Variants in LCAT observed in about 807,000 individuals in gnomAD.
The protein encoded by LCAT is lecithin-cholesterol acyltransferase, also known as phosphatidylcholine-sterol acyltransferase.
A neutral mutation model predicts 41.0 loss-of-function variants in LCAT; 15 were observed. That is an observed-to-expected ratio of 0.37 (90% CI 0.24 to 0.56). The LOEUF is 0.56. Ranked by LOEUF, LCAT falls within the 20% of genes least tolerant of loss-of-function variation. LCAT has a pLI of 0.81. For missense variants in LCAT, 449 were observed against 595.1 expected, an observed-to-expected ratio of 0.75 and a Z score of 2.55; for synonymous variants, 248 against 245.4, an observed-to-expected ratio of 1.01 and a Z score of -0.10.
In LCAT at chr16:67,940,096, G is replaced by C; in HGVS notation, c.1131C>G (p.Thr377=). The change falls in exon 6 of 6, where the codon ACC becomes ACG. Residue 377 remains threonine (T), a synonymous_variant. Transcript: ENST00000264005. ...DGDDTVATRS[T]ELCGLWQGRQ... is the part of the protein sequence containing the mutation. ...GGCCCTGCCACAGGCCACAGAGCTCGGTGCTGCGGGTCGCCACCGTGTCAT... is the reference window on the plus strand; with the variant it reads ...GGCCCTGCCACAGGCCACAGAGCTCCGTGCTGCGGGTCGCCACCGTGTCAT... 1 of 1,613,160 alleles carries C rather than the reference G, an allele frequency of 6.2e-7. No homozygotes were observed. Among genetic ancestry groups the C allele is most frequent in the Non-Finnish European group, 8.5e-7 (1 of 1,179,998 alleles).
chr16:67,942,496 G>A lies in LCAT; in HGVS notation c.615C>T (p.Ser205=). The change falls in exon 5 of 6, where the codon AGC becomes AGT. Residue 205 remains serine (S), a synonymous_variant. Coordinates refer to ENST00000264005, the MANE Select transcript of LCAT (RefSeq NM_000229.2). This position sits in a 1 kb window ranked among gnomAD's most constrained non-coding sequence, Gnocchi z 6.6. ...YGKPVFLIGH[S]LGCLHLLYFL... is the part of the protein sequence containing the mutation. ...AATAGAGCAAGTGTAGACAGCCGAG[G>A]CTGTGGCCAATGAGGAAGACAGGCT... The A allele has an allele frequency of 1.2e-6, 2 of 1,613,844 alleles. No individual in the cohort carries two copies. The highest frequency in any genetic ancestry group is 1.7e-6 in the Non-Finnish European group (2 of 1,180,000).
rs913862732 is a variant in LCAT at position 67,943,387 on chromosome 16, T to G, written c.155-175A>C. On this transcript the variant is annotated intron_variant, in intron 1 of 5. Transcript: ENST00000264005. This position sits in a 1 kb window ranked among gnomAD's most constrained non-coding sequence, Gnocchi z 4.6. ...CCCCCTCTCCCTGCTGTCCCCCCAG[T>G]AGCCAAAGCCCAGGCTTCCCTGAGG... 25 of 590,544 alleles carry G rather than the reference T, an allele frequency of 4.2e-5. No individual in the cohort carries two copies. The highest frequency in any genetic ancestry group is 2.2e-4 in the Admixed American group (10 of 44,828). The allele number at this position is 590,544 out of a possible 1,614,324, so 36.6% of individuals were successfully genotyped here. A position where few individuals can be genotyped will look rare whatever the true frequency, so the allele number is the denominator to read the frequency against.
At chr16:67,941,808 A>G in intron 5 of LCAT, 2 of 1,027,796 alleles carry the variant, frequency 1.9e-6, no homozygotes, top group Non-Finnish European at 2.3e-6. Flanking sequence ...GGGAAACAAG[A>G]TGGTGTCTGT....
In LCAT at chr16:67,944,044, G is replaced by A; in HGVS notation, c.58C>T (p.Pro20Ser). 6.5e-7 allele frequency: 1 copy of A among 1,547,702 alleles called. No individual in the cohort carries two copies. The highest frequency in any genetic ancestry group is 8.7e-7 in the Non-Finnish European group (1 of 1,145,884). ...AGGAGCCAGAAGGGGGCGGCAGGAG[G>A]GAGCAGCAGCCCCAGCAGCAGCGTC... ...WVTLLLGLLL[P>S]PAAPFWLLNV... Residue 20 changes from proline (P) to serine (S), a missense_variant, in exon 1 of 6, where the codon CCT becomes TCT. Physicochemically the swap from Pro to Ser is moderately conservative, Grantham distance 74. Coordinates refer to ENST00000264005, the MANE Select transcript of LCAT (RefSeq NM_000229.2). This position sits in a 1 kb window ranked among gnomAD's most constrained non-coding sequence, Gnocchi z 6.6.
In LCAT at chr16:67,940,039, C is replaced by T. The variant is rs1012071419; in HGVS notation, c.1188G>A (p.Leu396=). ...RQPQPVHLLP[L]HGIQHLNMVF... Reference sequence around the variant, plus strand: ...CCATGTTGAGATGCTGTATCCCGTGCAGGGGCAGCAGGTGCACAGGCTGTG... The same window carrying T: ...CCATGTTGAGATGCTGTATCCCGTGTAGGGGCAGCAGGTGCACAGGCTGTG... The change falls in exon 6 of 6, where the codon CTG becomes CTA. Residue 396 remains leucine, a synonymous_variant. Coordinates refer to ENST00000264005, the MANE Select transcript of LCAT (RefSeq NM_000229.2). 6.8e-6 allele frequency: 11 copies of T among 1,613,504 alleles called. No homozygotes were observed. The highest frequency in any genetic ancestry group is 1.6e-4 in the Middle Eastern group (1 of 6,062).
In LCAT at chr16:67,942,754, G is replaced by A. The variant is rs121908050; in HGVS notation, c.440C>T (p.Thr147Ile). Residue 147 changes from threonine to isoleucine, a missense_variant, in exon 4 of 6, where the codon ACA becomes ATA. Transcript: ENST00000264005. This position sits in a 1 kb window ranked among gnomAD's most constrained non-coding sequence, Gnocchi z 6.6. ...ATTGTTGACCAGGTTCTGCACCAGT[G>A]TGTGCAGGTACCCTGTGGGGGGACC... Reference protein sequence around the residue: ...DSSKLAGYLHTLVQNLVNNGY... With the variant: ...DSSKLAGYLHILVQNLVNNGY... The A allele has an allele frequency of 6.2e-5, 100 of 1,612,762 alleles. No homozygotes were observed. The highest frequency in any genetic ancestry group is 8.4e-5 in the Non-Finnish European group (99 of 1,179,910).
chr16:67,939,772 G>A lies in LCAT; in HGVS notation c.*132C>T. The stretch of plus-strand genomic sequence containing the variant: ...CCCAGCTCAGTCCCAGGCCTCAGCA[G>A]AGCCCATCTTGCCTCACTGCACACA... On this transcript the variant is annotated 3_prime_UTR_variant, in exon 6 of 6. Coordinates refer to ENST00000264005, the MANE Select transcript of LCAT (RefSeq NM_000229.2). The A allele has an allele frequency of 6.8e-7, 1 of 1,474,598 alleles. No individual in the cohort carries two copies. The highest frequency in any genetic ancestry group is 1.3e-5 in the South Asian group (1 of 74,126). The allele number at this position is 1,474,598 out of a possible 1,614,324, so 91.3% of individuals were successfully genotyped here.
At position 67,942,527 on chromosome 16, in the gene LCAT, T is replaced by C. The variant is rs1206645203; in HGVS notation, c.584A>G (p.Tyr195Cys). 7.4e-6 allele frequency: 12 copies of C among 1,613,482 alleles called. No homozygotes were observed. The highest frequency in any genetic ancestry group is 5.0e-5 in the Admixed American group (3 of 60,000). ...AGLVEEMHAA[Y>C]GKPVFLIGHS... ...GCCAATGAGGAAGACAGGCTTCCCATAGGCAGCGTGCATCTCCTCCACCAG... is the reference window on the plus strand; with the variant it reads ...GCCAATGAGGAAGACAGGCTTCCCACAGGCAGCGTGCATCTCCTCCACCAG... Residue 195 changes from tyrosine (Y) to cysteine (C), a missense_variant, in exon 5 of 6, where the codon TAT (tyrosine) becomes TGT (cysteine). Physicochemically the swap from Tyr to Cys is radical, Grantham distance 194. Transcript: ENST00000264005. The surrounding 1 kb of genome is among the most constrained non-coding windows in gnomAD (Gnocchi z 6.6).
intron 5 of LCAT, chr16:67,940,799 G>C: frequency 3.2e-6 from 1 of 316,452 alleles, no homozygotes; most frequent in South Asian, 3.2e-5. Flanking sequence ...AGGAGTCCGT[G>C]ACCAGACTAG....
At position 67,940,082 on chromosome 16, in the gene LCAT, A is replaced by C; in HGVS notation, c.1145T>G (p.Leu382Arg). The C allele has an allele frequency of 6.2e-7, 1 of 1,613,114 alleles. No individual in the cohort carries two copies. Among genetic ancestry groups the C allele is most frequent in the Non-Finnish European group, 8.5e-7 (1 of 1,180,008 alleles). The change falls in exon 6 of 6, where the codon CTG becomes CGG. Residue 382 changes from leucine to arginine, a missense_variant. Physicochemically the swap from Leu to Arg is moderately radical, Grantham distance 102. Coordinates refer to ENST00000264005, the MANE Select transcript of LCAT (RefSeq NM_000229.2). ...AGGCTGTGGCTGGCGGCCCTGCCACAGGCCACAGAGCTCGGTGCTGCGGGT... is the reference window on the plus strand; with the variant it reads ...AGGCTGTGGCTGGCGGCCCTGCCACCGGCCACAGAGCTCGGTGCTGCGGGT... Reference protein sequence around the residue: ...VATRSTELCGLWQGRQPQPVH... With the variant: ...VATRSTELCGRWQGRQPQPVH...
chr16:67,940,180 G>A lies in LCAT; in HGVS notation c.1047C>T (p.Tyr349=). 3 of 1,612,918 alleles carry A rather than the reference G, an allele frequency of 1.9e-6. No homozygotes were observed. Among genetic ancestry groups the A allele is most frequent in the Non-Finnish European group, 8.5e-7 (1 of 1,179,886 alleles). ...TGTAGGGGAAGCCGTGGTCGTAGAT[G>A]TAGGTGCGGGGCGTGGGCAGGCCCA... ...YGVGLPTPRT[Y]IYDHGFPYTD... is the part of the protein sequence containing the mutation. The change falls in exon 6 of 6, where the codon TAC becomes TAT. Residue 349 remains tyrosine (Y), a synonymous_variant. Coordinates refer to ENST00000264005, the MANE Select transcript of LCAT (RefSeq NM_000229.2).
At chr16:67,941,860 C>CAGACT (rs1567408514) in intron 5 of LCAT, 1 of 1,079,852 alleles carries the variant, frequency 9.3e-7, no homozygotes, top group African/African-American at 1.6e-5. Flanking sequence ...TTCTCTTGTC[C>CAGACT]AGACTGTGTT....
chr16:67,940,632 A>G (rs567249023), intron 5 of LCAT, 154 bp from the exon 6 acceptor site: 19 of 1,267,814 alleles, frequency 1.5e-5, no homozygotes, highest in East Asian at 1.3e-4. Context: ...CTGATATTCA[A>G]TGATGCTCAG....
Position 67,939,770 on chromosome 16 carries a change from CAG to C in LCAT, c.*132_*133del. On this transcript the variant is annotated 3_prime_UTR_variant, in exon 6 of 6. Transcript: ENST00000264005. Reference sequence around the variant, plus strand: ...TGCCCAGCTCAGTCCCAGGCCTCAGCAGAGCCCATCTTGCCTCACTGCACACA... The same window carrying C: ...TGCCCAGCTCAGTCCCAGGCCTCAGCAGCCCATCTTGCCTCACTGCACACA... The C allele has an allele frequency of 6.8e-7, 1 of 1,466,430 alleles. No individual in the cohort carries two copies. The highest frequency in any genetic ancestry group is 9.2e-7 in the Non-Finnish European group (1 of 1,091,892). The allele number at this position is 1,466,430 out of a possible 1,614,324, so 90.8% of individuals were successfully genotyped here. A position where few individuals can be genotyped will look rare whatever the true frequency, so the allele number is the denominator to read the frequency against.
chr16:67,941,507 G>T, intron 5 of LCAT: 1 of 400,778 alleles, frequency 2.5e-6, no homozygotes, highest in Non-Finnish European at 3.4e-6. Flanking sequence ...TATAGTCTCA[G>T]CTAACCAGGA....
Position 67,941,637 on chromosome 16 carries a change from G to T in LCAT, c.748+726C>A. ...CTGAAAAAGAAAAAAAAAAGTAGGC[G>T]GGGCTTCCTGAGGACCAGGGTGTGT... On this transcript the variant is annotated intron_variant, in intron 5 of 5. Coordinates refer to ENST00000264005, the MANE Select transcript of LCAT (RefSeq NM_000229.2). 4 of 985,224 alleles carry T rather than the reference G, an allele frequency of 4.1e-6. No individual in the cohort carries two copies. In the South Asian group the frequency reaches 1.9e-4, roughly 46 times the overall value. The allele number at this position is 985,224 out of a possible 1,614,324, so 61.0% of individuals were successfully genotyped here. A position where few individuals can be genotyped will look rare whatever the true frequency, so the allele number is the denominator to read the frequency against.
In LCAT at chr16:67,942,454, G is replaced by C. The variant is rs1385266846; in HGVS notation, c.657C>G (p.Pro219=). The C allele has an allele frequency of 1.2e-6, 2 of 1,613,862 alleles. No individual in the cohort carries two copies. The highest frequency in any genetic ancestry group is 1.7e-6 in the Non-Finnish European group (2 of 1,180,018). The change falls in exon 5 of 6, where the codon CCC becomes CCG. Residue 219 remains proline (P), a synonymous_variant. Coordinates refer to ENST00000264005, the MANE Select transcript of LCAT (RefSeq NM_000229.2). This position sits in a 1 kb window ranked among gnomAD's most constrained non-coding sequence, Gnocchi z 6.6. Reference sequence around the variant, plus strand: ...CAATAAAGCGGTCCTTCCAGGCCTGGGGCTGGCGCAGCAGGAAATAGAGCA... The same window carrying C: ...CAATAAAGCGGTCCTTCCAGGCCTGCGGCTGGCGCAGCAGGAAATAGAGCA... ...LHLLYFLLRQ[P]QAWKDRFIDG... is the part of the protein sequence containing the mutation.
At position 67,943,574 on chromosome 16, in the gene LCAT, C is replaced by T; in HGVS notation, c.155-362G>A. ...ATAGGGGCCGGGCATGGATGGGCCT[C>T]TCCTGCTCACCGATCCTGGGCTGGG... is the stretch of plus-strand genomic sequence containing the variant. On this transcript the variant is annotated intron_variant, in intron 1 of 5. Transcript: ENST00000264005. The surrounding 1 kb of genome is among the most constrained non-coding windows in gnomAD (Gnocchi z 4.6). 1 of 506,686 alleles carries T rather than the reference C, an allele frequency of 2.0e-6. No homozygotes were observed. Among genetic ancestry groups the T allele is most frequent in the Non-Finnish European group, 3.6e-6 (1 of 277,736 alleles). The allele number at this position is 506,686 out of a possible 1,614,324, so 31.4% of individuals were successfully genotyped here.
chr16:67,942,222 C>T lies in LCAT; in HGVS notation c.748+141G>A. 1 of 1,260,626 alleles carries T rather than the reference C, an allele frequency of 7.9e-7. No individual in the cohort carries two copies. Among genetic ancestry groups the T allele is most frequent in the Admixed American group, 2.0e-5 (1 of 50,528 alleles). The allele number at this position is 1,260,626 out of a possible 1,614,324, so 78.1% of individuals were successfully genotyped here. A position where few individuals can be genotyped will look rare whatever the true frequency, so the allele number is the denominator to read the frequency against. ...CAGGCCAGGGTCACTGCTCTGGGGG[C>T]CAGTGACAGCAAGCATGCCAGCCCA... On this transcript the variant is annotated intron_variant, in intron 5 of 5. Transcript: ENST00000264005. The surrounding 1 kb of genome is among the most constrained non-coding windows in gnomAD (Gnocchi z 6.6).
Sources: gnomAD v4.1 joint callset for allele counts on GRCh38, gnomAD v4.1.1 for gene constraint, Gnocchi (gnomAD v3.1) non-coding constraint, MANE v1.5 for transcripts, NCBI Gene and HGNC (gene_info 2026-07-23, HGNC 2026-07-21) for gene names.